PCDHA4: variants seen among roughly 807,000 people sequenced by gnomAD.
PCDHA4 encodes protocadherin alpha 4, also known as protocadherin alpha-4.
PCDHA4 carries 49 observed loss-of-function variants against 61.4 expected under a neutral mutation model. The observed-to-expected ratio is 0.80, with a 90% CI of 0.63 to 1.01. The LOEUF is 1.01. Among genes scored for constraint, PCDHA4 ranks in the 50% least tolerant of loss-of-function variants. The pLI is 0.00. For missense variants in PCDHA4, 1,254 were observed against 1,235.8 expected (o/e 1.01, Z -0.22); for synonymous variants, 590 against 550.3 (o/e 1.07, Z -1.01).
intron 3 of PCDHA4, among the ~76,000 whole-genome samples, chr5:140,986,982 G>A (rs782173410): frequency 3.9e-5 from 6 of 152,164 alleles, no homozygotes; most frequent in Non-Finnish European, 8.8e-5. Context: ...GGGAGGCCAA[G>A]GCAGGCAGAT....
At chr5:140,926,819 C>G in intron 1 of PCDHA4, 1 of 1,493,950 alleles carries the variant, frequency 6.7e-7, no homozygotes, top group Non-Finnish European at 8.9e-7. Context: ...CTCGTGCTCT[C>G]CAGGAGTCCG....
intron 1 of PCDHA4, among the ~76,000 whole-genome samples, chr5:140,971,716 A>G (rs1554233565): frequency 1.3e-5 from 2 of 152,026 alleles, no homozygotes; most frequent in African/African-American, 4.8e-5. Context: ...ATATAGATAT[A>G]TGTATATCAT....
chr5:140,829,617 C>T (rs1429736622), intron 1 of PCDHA4: 1 of 1,612,166 alleles, frequency 6.2e-7, no homozygotes, highest in East Asian at 2.2e-5. Context: ...AGCTACATTT[C>T]GGTGCACGCG....
At chr5:140,924,902 A>AAAAAAT (rs1554202311) in intron 1 of PCDHA4, among the ~76,000 whole-genome samples, 400 of 39,066 alleles carry the variant, frequency 0.01, 1 homozygote, top group Middle Eastern at 0.023. Flanking sequence ...CTCAAAAAAA[A>AAAAAAT]AAATAAAATA....
At position 140,841,885 on chromosome 5, in the gene PCDHA4, G is replaced by A. The variant is rs2150324724; in HGVS notation, c.2385+32313G>A. The A allele has an allele frequency of 1.5e-5, 24 of 1,613,684 alleles. 1 individual carries two copies. In the African/African-American group the frequency reaches 2.7e-4, roughly 18 times the overall value. On this transcript the variant is annotated intron_variant, in intron 1 of 3. Coordinates refer to ENST00000530339, the MANE Select transcript of PCDHA4 (RefSeq NM_018907.4). ...TAGATGTGAATTCAAAGAACGATGA[G>A]AATAAACTGGTTGAGCTCGTATTAA...
At chr5:140,926,537 T>C (rs1584447910) in intron 1 of PCDHA4, 2 of 211,572 alleles carry the variant, frequency 9.5e-6, no homozygotes, top group African/African-American at 2.3e-5. Flanking sequence ...GCAGCCAGCG[T>C]GGTGGTCGAG....
intron 1 of PCDHA4, chr5:140,850,379 G>A: frequency 1.3e-6 from 2 of 1,597,906 alleles, no homozygotes; most frequent in Non-Finnish European, 1.7e-6. Flanking sequence ...GGCTGTACAC[G>A]GGCGAGATCA....
chr5:140,882,286 A>G lies in PCDHA4; in HGVS notation c.2385+72714A>G, dbSNP rs13357748. The G allele has an allele frequency of 8.5e-4, 1,378 of 1,613,102 alleles. 12 individuals are homozygous for G. In the African/African-American group the frequency reaches 0.015, roughly 17 times the overall value. Reference sequence around the variant, plus strand: ...AGTGTACCATGCTGTCTTCCTGGCAAGGAGGCCCAAGACCGCGGCAACTAC... The same window carrying G: ...AGTGTACCATGCTGTCTTCCTGGCAGGGAGGCCCAAGACCGCGGCAACTAC... On this transcript the variant is annotated intron_variant, in intron 1 of 3. Transcript: ENST00000530339.
intron 1 of PCDHA4, chr5:140,848,587 T>C (rs2150413508): frequency 6.3e-7 from 1 of 1,594,838 alleles, no homozygotes; most frequent in Non-Finnish European, 8.6e-7. Flanking sequence ...AGCGGCCAGC[T>C]CCACTACTCC....
intron 1 of PCDHA4, chr5:140,871,426 C>T (rs1554165586): frequency 1.2e-6 from 2 of 1,613,320 alleles, no homozygotes; most frequent in Non-Finnish European, 8.5e-7. Context: ...CAGCCCCAGT[C>T]TTCCTCTAGG....
At chr5:140,929,590 G>T in intron 1 of PCDHA4, 1 of 426,240 alleles carries the variant, frequency 2.3e-6, no homozygotes, top group Non-Finnish European at 4.2e-6. Context: ...TGACATAAAG[G>T]TCTAAAATTA....
intron 1 of PCDHA4, chr5:140,829,519 G>A (rs140453889): frequency 2.7e-5 from 43 of 1,613,306 alleles, no homozygotes; most frequent in Non-Finnish European, 3.6e-5. Flanking sequence ...ACATCTTCAC[G>A]GTGTCTGCGC....
At chr5:140,848,673 G>A (rs2150416689) in intron 1 of PCDHA4, 2 of 1,592,332 alleles carry the variant, frequency 1.3e-6, no homozygotes, top group Non-Finnish European at 1.7e-6. Context: ...GGCGGAGCTG[G>A]TGCCGCGCCT....
At chr5:141,006,606 C>T (rs782461917) in intron 3 of PCDHA4, among the ~76,000 whole-genome samples, 3 of 152,112 alleles carry the variant, frequency 2.0e-5, no homozygotes, top group Non-Finnish European at 4.4e-5. Flanking sequence ...TGGAAGCAGA[C>T]TGAATAAGGA....
chr5:141,010,016 CT>C lies in PCDHA4; in HGVS notation c.*84del. 1 of 1,572,200 alleles carries C rather than the reference CT, an allele frequency of 6.4e-7. No homozygotes were observed. The highest frequency in any genetic ancestry group is 8.6e-7 in the Non-Finnish European group (1 of 1,163,240). On this transcript the variant is annotated 3_prime_UTR_variant, in exon 4 of 4. Transcript: ENST00000530339. Reference sequence around the variant, plus strand: ...TCTCCCATGTAGCAATTCCCTGCTCCTTTTTCCTATCTACATGAGCCCTCTT... The same window carrying C: ...TCTCCCATGTAGCAATTCCCTGCTCCTTTTCCTATCTACATGAGCCCTCTT...
At chr5:140,843,779 T>G (rs1779095351) in intron 1 of PCDHA4, 1 of 1,431,152 alleles carries the variant, frequency 7.0e-7, no homozygotes, top group African/African-American at 1.4e-5. Flanking sequence ...ACTTTAAAAG[T>G]GTTTCAGATT....
chr5:140,993,819 G>A (rs2097583362), intron 3 of PCDHA4, among the ~76,000 whole-genome samples: 1 of 152,142 alleles, frequency 6.6e-6, no homozygotes, highest in Non-Finnish European at 1.5e-5. Context: ...AGGAGCAATA[G>A]GCTATACCAT....
intron 1 of PCDHA4, among the ~76,000 whole-genome samples, chr5:140,921,582 A>G (rs1451313725): frequency 6.6e-6 from 1 of 152,200 alleles, no homozygotes; most frequent in Non-Finnish European, 1.5e-5. Context: ...AGCTCATACT[A>G]TATTATGGTT....
intron 1 of PCDHA4, among the ~76,000 whole-genome samples, chr5:140,972,665 T>A (rs1554234345): frequency 6.7e-6 from 1 of 148,584 alleles, no homozygotes; most frequent in Non-Finnish European, 1.5e-5. Flanking sequence ...ACCAAATTTT[T>A]TTTTTTTTTT....
Sources: allele counts gnomAD v4.1 joint callset (sites outside exome capture counted in the v4.1 genomes callset), GRCh38; gene constraint gnomAD v4.1.1; transcripts MANE v1.5; gene names NCBI Gene and HGNC (gene_info 2026-07-23, HGNC 2026-07-21).